RBM39: variants seen among roughly 807,000 people sequenced by gnomAD.
RBM39 encodes the protein RNA-binding protein 39.
A neutral mutation model predicts 79.6 loss-of-function variants in RBM39; 12 were observed. The ratio of observed to expected loss-of-function variants is 0.15; its 90% CI spans 0.10 to 0.24. The LOEUF is 0.24. RBM39 is among the 10% of genes least tolerant of loss of function. The probability of loss-of-function intolerance (pLI) is 1.00; values close to 1 mark genes in which losing one functional copy is unlikely to be tolerated. For synonymous variants in RBM39, 185 were observed against 208.4 expected (o/e 0.89, Z 0.97); for missense variants, 243 against 653.4 (o/e 0.37, Z 6.85).
chr20:35,710,639 C>T (rs2036286348), intron 12 of RBM39: 1 of 152,096 alleles, frequency 6.6e-6, no homozygotes, highest in South Asian at 2.1e-4. Context: ...CCTAGTTTCA[C>T]CCAATAGCTT....
chr20:35,726,733 G>T (rs983207241), intron 6 of RBM39, among the ~76,000 whole-genome samples: 2 of 152,200 alleles, frequency 1.3e-5, no homozygotes, highest in Non-Finnish European at 2.9e-5. Flanking sequence ...CATCCTTTAA[G>T]ATGTAAGCCT....
chr20:35,708,757 T>C (rs537853687), intron 13 of RBM39: 2 of 153,714 alleles, frequency 1.3e-5, no homozygotes, highest in Non-Finnish European at 2.9e-5. Context: ...AAACCTCTTA[T>C]TGCTTGGTAC....
rs533151302 is a variant in RBM39, at chr20:35,701,425, T to C, written c.*3056A>G. 3.9e-5 allele frequency: 6 copies of C among 154,346 alleles called. No homozygotes were observed. Among genetic ancestry groups the C allele is most frequent in the African/African-American group, 1.4e-4 (6 of 41,506 alleles). 9.6% of individuals were successfully genotyped at this position (154,346 alleles called of 1,614,324 possible). ...CCTGCCTCAGCCTCCCGAGTAGCTG[T>C]GATAACAGGCACGTGCCACCATGCC... On this transcript the variant is annotated 3_prime_UTR_variant, in exon 17 of 17. Coordinates refer to ENST00000253363, the MANE Select transcript of RBM39 (RefSeq NM_184234.3).
At chr20:35,719,024 TTA>T (rs2037550580) in intron 9 of RBM39, among the ~76,000 whole-genome samples, 2 of 152,180 alleles carry the variant, frequency 1.3e-5, no homozygotes, top group African/African-American at 4.8e-5. Context: ...AGCTGCTACA[TTA>T]TGTTTACTGG....
chr20:35,723,252 T>C (rs1393363980), intron 8 of RBM39, among the ~76,000 whole-genome samples: 1 of 149,990 alleles, frequency 6.7e-6, no homozygotes, highest in Non-Finnish European at 1.5e-5. Flanking sequence ...AAAAGAAAAG[T>C]TGTCCATTTG....
chr20:35,723,007 C>T (rs1158667753), intron 8 of RBM39, among the ~76,000 whole-genome samples: 1 of 151,344 alleles, frequency 6.6e-6, no homozygotes, highest in Non-Finnish European at 1.5e-5. Context: ...ACATTCTTGA[C>T]AACAATCTTA....
chr20:35,739,463 G>C, intron 2 of RBM39: 1 of 471,234 alleles, frequency 2.1e-6, no homozygotes, highest in Non-Finnish European at 4.4e-6. Context: ...TCCTGTGACC[G>C]ATGCCATTCC....
In RBM39 at chr20:35,703,146, A is replaced by G. The variant is rs1280562371; in HGVS notation, c.*1335T>C. The G allele has an allele frequency of 6.6e-6, 1 of 152,194 alleles. No homozygotes were observed. Among genetic ancestry groups the G allele is most frequent in the Non-Finnish European group, 1.5e-5 (1 of 68,034 alleles). The allele number at this position is 152,194 out of a possible 1,614,324, so 9.4% of individuals were successfully genotyped here. On this transcript the variant is annotated 3_prime_UTR_variant, in exon 17 of 17. Coordinates refer to ENST00000253363, the MANE Select transcript of RBM39 (RefSeq NM_184234.3). ...AGATTTACCAAGAGATAAACAGTTGAAGAGAATTGAGTATAAATGGTGACA... is the reference window on the plus strand; with the variant it reads ...AGATTTACCAAGAGATAAACAGTTGGAGAGAATTGAGTATAAATGGTGACA...
chr20:35,729,939 T>A (rs956109467), intron 4 of RBM39, among the ~76,000 whole-genome samples: 15 of 152,134 alleles, frequency 9.9e-5, no homozygotes, highest in Non-Finnish European at 1.5e-5. Flanking sequence ...TTGGTGTGTA[T>A]CTTTGCAGAT....
At chr20:35,735,944 G>C (rs1464392084) in intron 3 of RBM39, among the ~76,000 whole-genome samples, 1 of 152,156 alleles carries the variant, frequency 6.6e-6, no homozygotes, top group Non-Finnish European at 1.5e-5. Context: ...GTAAAAGCTT[G>C]TAGCCTTAAT....
At chr20:35,725,270 A>G (rs1437749739) in intron 6 of RBM39, 115 bp from the exon 7 acceptor site, 3 of 667,844 alleles carry the variant, frequency 4.5e-6, no homozygotes, top group Non-Finnish European at 7.5e-6. Context: ...GGTTTTGGTT[A>G]CATAGATGAG....
intron 9 of RBM39, chr20:35,719,906 T>G (rs2037690599): frequency 5.8e-6 from 1 of 173,372 alleles, no homozygotes; most frequent in African/African-American, 2.4e-5. Context: ...CCTCAGCCTC[T>G]TAAGTAGCTG....
chr20:35,729,294 T>C lies in RBM39; in HGVS notation c.416+18A>G, dbSNP rs758376789. ...CAAAAGCTTTTTAAGAGCTAAAGGC[T>C]TTAAAGAAGTAAACTACCTCACAGG... On this transcript the variant is annotated intron_variant, in intron 6 of 16. Transcript: ENST00000253363. 3.2e-6 allele frequency: 5 copies of C among 1,571,658 alleles called. No individual in the cohort carries two copies. Among genetic ancestry groups the C allele is most frequent in the Non-Finnish European group, 4.3e-6 (5 of 1,166,844 alleles).
chr20:35,739,826 A>G lies in RBM39; in HGVS notation c.52-809T>C, dbSNP rs1024305051. 8 of 188,924 alleles carry G rather than the reference A, an allele frequency of 4.2e-5. No homozygotes were observed. The East Asian group carries it at 1.2e-3, about 28-fold the overall frequency. 11.7% of individuals were successfully genotyped at this position (188,924 alleles called of 1,614,324 possible). ...ACCACATGGTCGTGCTATACAATCC[A>G]AAACAAATGTATTATTTTTAAAAGG... On this transcript the variant is annotated intron_variant, in intron 2 of 16. Transcript: ENST00000253363.
intron 15 of RBM39, 32 bp downstream of exon 15, chr20:35,705,193 C>T (rs2035571816): frequency 7.7e-7 from 1 of 1,292,184 alleles, no homozygotes; most frequent in Admixed American, 2.2e-5. Context: ...GACGAACAAC[C>T]TAACATCATT....
At position 35,703,449 on chromosome 20, in the gene RBM39, C is replaced by CT. The variant is rs1190640897; in HGVS notation, c.*1031dup. The CT allele has an allele frequency of 6.6e-6, 1 of 152,226 alleles. No homozygotes were observed. Among genetic ancestry groups the CT allele is most frequent in the East Asian group, 1.9e-4 (1 of 5,182 alleles). The allele number at this position is 152,226 out of a possible 1,614,324, so 9.4% of individuals were successfully genotyped here. A position where few individuals can be genotyped will look rare whatever the true frequency, so the allele number is the denominator to read the frequency against. ...CTTCTAAAATACACAGGGCTAGACT[C>CT]TAATAGAATAAAGGAATTCATGGGG... On this transcript the variant is annotated 3_prime_UTR_variant, in exon 17 of 17. Transcript: ENST00000253363.
At position 35,704,225 on chromosome 20, in the gene RBM39, A is replaced by G. The variant is rs1407304853; in HGVS notation, c.*256T>C. On this transcript the variant is annotated 3_prime_UTR_variant, in exon 17 of 17. Transcript: ENST00000253363. ...CATTTGTTCTCCTAGAGCTATTCCT[A>G]TAGTTCATTAATTTTCTACATGAAC... 7.8e-5 allele frequency: 23 copies of G among 296,012 alleles called. No individual in the cohort carries two copies. Among genetic ancestry groups the G allele is most frequent in the Non-Finnish European group, 1.3e-4 (20 of 156,224 alleles). 18.3% of individuals were successfully genotyped at this position (296,012 alleles called of 1,614,324 possible).
intron 2 of RBM39, 69 bp from the exon 3 acceptor site, chr20:35,739,086 G>A (rs1346690653): frequency 8.0e-6 from 10 of 1,247,064 alleles, no homozygotes; most frequent in African/African-American, 1.5e-5. Flanking sequence ...AAAGGGTAAA[G>A]GGAACAGGAA....
chr20:35,734,578 A>T (rs1240592466), intron 3 of RBM39: 1 of 240,062 alleles, frequency 4.2e-6, no homozygotes, highest in Admixed American at 5.1e-5. Flanking sequence ...AGAGGCAACC[A>T]ACCTATTTAC....
Sources: allele counts gnomAD v4.1 joint callset (sites outside exome capture counted in the v4.1 genomes callset), GRCh38; gene constraint gnomAD v4.1.1; transcripts MANE v1.5; gene names NCBI Gene and HGNC (gene_info 2026-07-23, HGNC 2026-07-21).